Variants in AGBL4 observed in about 807,000 individuals in gnomAD.
AGBL4 encodes the protein AGBL carboxypeptidase 4, also known as cytosolic carboxypeptidase 6.
AGBL4 carries 58 observed loss-of-function variants against 66.4 expected under a neutral mutation model. The ratio of observed to expected loss-of-function variants is 0.87; its 90% CI spans 0.71 to 1.09. The LOEUF (loss-of-function observed/expected upper bound fraction) is 1.09. Among genes scored for constraint, AGBL4 ranks in the 50% least tolerant of loss-of-function variants. AGBL4 has a pLI of 0.00. For missense variants in AGBL4, 579 were observed against 631.0 expected (o/e 0.92, Z 0.88); for synonymous variants, 234 against 222.9 (o/e 1.05, Z -0.44).
chr1:49,210,457 C>T (rs981102422), intron 4 of AGBL4, among the ~76,000 whole-genome samples: 5 of 152,036 alleles, frequency 3.3e-5, no homozygotes. Flanking sequence ...AGGTTTCTAT[C>T]TCACAGTCTC....
At chr1:49,912,445 T>A (rs923904533) in intron 1 of AGBL4, among the ~76,000 whole-genome samples, 1 of 152,240 alleles carries the variant, frequency 6.6e-6, no homozygotes, top group Non-Finnish European at 1.5e-5. Context: ...TAATATTTTA[T>A]AGTATGTAAC....
At chr1:48,586,958 C>A in intron 11 of AGBL4, 46 bp downstream of exon 11, 1 of 1,605,454 alleles carries the variant, frequency 6.2e-7, no homozygotes, top group East Asian at 2.2e-5. Flanking sequence ...TGGATACTCT[C>A]GGCTGGATGA....
intron 4 of AGBL4, among the ~76,000 whole-genome samples, chr1:49,241,385 C>G (rs1214376510): frequency 6.6e-6 from 1 of 152,006 alleles, no homozygotes; most frequent in Non-Finnish European, 1.5e-5. Flanking sequence ...GAAATGTTCT[C>G]TCTCATTTTT....
chr1:49,460,991 T>G (rs556933018), intron 3 of AGBL4, among the ~76,000 whole-genome samples: 2 of 151,850 alleles, frequency 1.3e-5, no homozygotes, highest in South Asian at 4.2e-4. Context: ...GGTTTTCCTT[T>G]GTAGGGTACC....
chr1:49,671,007 A>G (rs1646464492), intron 3 of AGBL4, among the ~76,000 whole-genome samples: 1 of 152,196 alleles, frequency 6.6e-6, no homozygotes. Context: ...ATATGGAACC[A>G]AAAAAGAGTT....
At chr1:48,690,683 T>A (rs544942043) in intron 6 of AGBL4, among the ~76,000 whole-genome samples, 33 of 152,254 alleles carry the variant, frequency 2.2e-4, no homozygotes, top group African/African-American at 7.5e-4. Context: ...TAGAAAAGCC[T>A]CATTTGAACA....
chr1:49,984,562 T>A (rs2148391672), intron 1 of AGBL4, among the ~76,000 whole-genome samples: 1 of 152,232 alleles, frequency 6.6e-6, no homozygotes, highest in South Asian at 2.1e-4. Context: ...CAGCACAAAC[T>A]CCCACCCCAA....
chr1:48,878,878 T>C (rs1649478792), intron 5 of AGBL4, among the ~76,000 whole-genome samples: 1 of 152,178 alleles, frequency 6.6e-6, no homozygotes, highest in African/African-American at 2.4e-5. Flanking sequence ...GAGTTATATA[T>C]ACTCCAGGAA....
At chr1:49,875,426 G>C (rs927218009) in intron 1 of AGBL4, among the ~76,000 whole-genome samples, 6 of 139,398 alleles carry the variant, frequency 4.3e-5, no homozygotes, top group South Asian at 2.4e-4. Context: ...TTGTTCTTGC[G>C]ATAGTTTACT....
chr1:49,067,518 T>C (rs1026017679), intron 4 of AGBL4, among the ~76,000 whole-genome samples: 1 of 152,194 alleles, frequency 6.6e-6, no homozygotes, highest in African/African-American at 2.4e-5. Context: ...CCTTTCCATT[T>C]ACTGTTCTCT....
chr1:49,117,139 T>G (rs1412929568), intron 4 of AGBL4, among the ~76,000 whole-genome samples: 35 of 151,898 alleles, frequency 2.3e-4, no homozygotes, highest in Non-Finnish European at 2.4e-4. Flanking sequence ...AGATTGGTAG[T>G]TTGCAAAAAT....
intron 1 of AGBL4, among the ~76,000 whole-genome samples, chr1:49,953,435 T>C (rs935697882): frequency 6.6e-6 from 1 of 151,934 alleles, no homozygotes; most frequent in East Asian, 1.9e-4. Flanking sequence ...TTTATGCTAT[T>C]TTACTGCAAA....
chr1:49,635,920 A>C (rs1326274986), intron 3 of AGBL4, among the ~76,000 whole-genome samples: 1 of 152,202 alleles, frequency 6.6e-6, no homozygotes, highest in African/African-American at 2.4e-5. Context: ...AATATATGTT[A>C]ATTGCAGCAC....
intron 3 of AGBL4, among the ~76,000 whole-genome samples, chr1:49,313,954 C>A (rs965211484): frequency 1.3e-5 from 2 of 152,148 alleles, no homozygotes; most frequent in Non-Finnish European, 2.9e-5. Flanking sequence ...TGCCTATGTC[C>A]TGAATGGTGT....
At chr1:49,693,653 A>T (rs1431475662) in intron 3 of AGBL4, among the ~76,000 whole-genome samples, 1 of 152,034 alleles carries the variant, frequency 6.6e-6, no homozygotes, top group African/African-American at 2.4e-5. Flanking sequence ...ATATTTCCCA[A>T]ATTTACTATA....
At position 48,669,632 on chromosome 1, in the gene AGBL4, T is replaced by A. The variant is rs141819577; in HGVS notation, c.635-6391A>T. Reference sequence around the variant, plus strand: ...CAAACCTTCAGTTTCCCAGACTTTATATATATTTTCCTAACTCCTCCCCAA... The same window carrying A: ...CAAACCTTCAGTTTCCCAGACTTTAAATATATTTTCCTAACTCCTCCCCAA... On this transcript the variant is annotated intron_variant, in intron 6 of 13. Coordinates refer to ENST00000371839, the MANE Select transcript of AGBL4 (RefSeq NM_032785.4). 4.6e-5 allele frequency among the ~76,000 whole-genome samples: 7 copies of A among 152,298 alleles called. No homozygotes were observed. In the East Asian group the frequency reaches 1.4e-3, roughly 29 times the overall value.
intron 2 of AGBL4, among the ~76,000 whole-genome samples, chr1:49,748,222 T>C (rs1392831983): frequency 1.3e-5 from 2 of 152,090 alleles, no homozygotes; most frequent in Admixed American, 1.3e-4. Context: ...CCATATGTTC[T>C]CGTTGTTCAC....
intron 1 of AGBL4, among the ~76,000 whole-genome samples, chr1:49,966,780 CT>C (rs768792849): frequency 2.7e-4 from 41 of 152,004 alleles, no homozygotes; most frequent in Non-Finnish European, 7.4e-5. Context: ...ATCATAAAGC[CT>C]TTTACTGATT....
At chr1:49,487,721 G>A (rs577699409) in intron 3 of AGBL4, among the ~76,000 whole-genome samples, 34 of 152,014 alleles carry the variant, frequency 2.2e-4, no homozygotes, top group African/African-American at 8.2e-4. Context: ...GGCAGTGTGA[G>A]AATGAACTAA....
Sources: allele counts gnomAD v4.1 joint callset (sites outside exome capture counted in the v4.1 genomes callset), GRCh38; gene constraint gnomAD v4.1.1; transcripts MANE v1.5; gene names NCBI Gene and HGNC (gene_info 2026-07-23, HGNC 2026-07-21).